The following GPM6B variants were observed in gnomAD, a reference collection of about 807,000 sequenced individuals.
The protein encoded by GPM6B is glycoprotein M6B.
A neutral mutation model predicts 27.2 loss-of-function variants in GPM6B; 4 were observed. That is an observed-to-expected ratio of 0.15 (90% CI 0.07 to 0.34). The LOEUF (loss-of-function observed/expected upper bound fraction) is 0.34. Among genes scored for constraint, GPM6B ranks in the 10% least tolerant of loss-of-function variants. GPM6B has a pLI of 1.00. For missense variants in GPM6B, 183 were observed against 261.9 expected (o/e 0.70, Z 2.08); for synonymous variants, 124 against 103.1 (o/e 1.20, Z -1.23).
At chrX:13,845,812 C>G (rs1277694673) in intron 1 of GPM6B, among the ~76,000 whole-genome samples, 1 of 112,170 alleles carries the variant, frequency 8.9e-6, no homozygotes, top group African/African-American at 3.2e-5. Context: ...TTCAATAGTA[C>G]ACGCTGAACT....
chrX:13,877,328 T>G (rs2050043719), intron 1 of GPM6B, among the ~76,000 whole-genome samples: 1 of 111,847 alleles, frequency 8.9e-6, no homozygotes, highest in South Asian at 3.8e-4. Context: ...TTGACAAGGA[T>G]AGTGAAGTAG....
chrX:13,815,088 TAGC>T (rs2049209227), intron 1 of GPM6B, among the ~76,000 whole-genome samples: 1 of 111,990 alleles, frequency 8.9e-6, no homozygotes, highest in Admixed American at 9.5e-5. Flanking sequence ...CATAAAATAA[TAGC>T]AGTCCATAAG....
At chrX:13,880,638 T>C (rs1056233575) in intron 1 of GPM6B, among the ~76,000 whole-genome samples, 53 of 85,961 alleles carry the variant, frequency 6.2e-4, no homozygotes, top group African/African-American at 2.6e-3. Context: ...ATTGTGCCAC[T>C]GCACTCCAGC....
In GPM6B at chrX:13,903,808, G is replaced by A. The variant is rs191140729; in HGVS notation, c.-198+34519C>T. Among the ~76,000 whole-genome samples, 190 of 112,037 alleles carry A rather than the reference G, an allele frequency of 1.7e-3. 1 individual carries two copies. The highest frequency in any genetic ancestry group is 6.0e-3 in the African/African-American group (185 of 30,901). The stretch of plus-strand genomic sequence containing the variant: ...AATGCCTGTGTCTGGCAGCCAGGGT[G>A]GTGGAGCCAGAGGAACAAAGGACTA... On this transcript the variant is annotated intron_variant, in intron 1 of 6. Transcript: ENST00000398361.
intron 2 of GPM6B, among the ~76,000 whole-genome samples, chrX:13,789,847 G>A (rs527749951): frequency 9.3e-6 from 1 of 108,063 alleles, no homozygotes; most frequent in South Asian, 4.0e-4. Context: ...TTTTTTTTTT[G>A]TTTTGTTTTG....
intron 1 of GPM6B, among the ~76,000 whole-genome samples, chrX:13,890,946 G>A (rs924955645): frequency 1.3e-4 from 14 of 110,627 alleles, no homozygotes; most frequent in African/African-American, 3.6e-4. Context: ...CATCTGAGGC[G>A]TTTAAAAAAC....
intron 1 of GPM6B, among the ~76,000 whole-genome samples, chrX:13,895,630 T>A (rs1191001006): frequency 8.9e-6 from 1 of 111,749 alleles, no homozygotes; most frequent in East Asian, 2.8e-4. Flanking sequence ...TCAATTTGTA[T>A]CTCTATCATA....
At chrX:13,917,163 A>C (rs1165001442) in intron 1 of GPM6B, among the ~76,000 whole-genome samples, 1 of 111,930 alleles carries the variant, frequency 8.9e-6, no homozygotes, top group Non-Finnish European at 1.9e-5. Flanking sequence ...AATGAGCCAT[A>C]ATCACTGCTA....
chrX:13,780,147 C>T (rs924779323), intron 4 of GPM6B, among the ~76,000 whole-genome samples, 158 bp from the exon 5 acceptor site: 4 of 111,786 alleles, frequency 3.6e-5, no homozygotes, highest in African/African-American at 9.8e-5. Context: ...AAAGCCAGCA[C>T]GGGAGCAGGG....
At chrX:13,797,183 G>A (rs183203601) in intron 2 of GPM6B, among the ~76,000 whole-genome samples, 158 of 112,359 alleles carry the variant, frequency 1.4e-3, no homozygotes, top group African/African-American at 4.8e-3. Context: ...TACCTGCCAT[G>A]TGCAAGCCAC....
At chrX:13,880,387 C>G (rs2050082374) in intron 1 of GPM6B, among the ~76,000 whole-genome samples, 1 of 111,284 alleles carries the variant, frequency 9.0e-6, no homozygotes, top group Non-Finnish European at 1.9e-5. Context: ...TTTAAAAAGG[C>G]AAATCAGGCC....
At chrX:13,852,167 C>T (rs919348761) in intron 1 of GPM6B, among the ~76,000 whole-genome samples, 20 of 111,115 alleles carry the variant, frequency 1.8e-4, no homozygotes, top group Non-Finnish European at 3.8e-4. Context: ...AATGACTCAA[C>T]TCTGCCACCG....
intron 2 of GPM6B, among the ~76,000 whole-genome samples, chrX:13,793,831 G>A (rs2048759151): frequency 9.0e-6 from 1 of 111,280 alleles, no homozygotes; most frequent in African/African-American, 3.3e-5. Flanking sequence ...AGCACTCAGT[G>A]TTATATAGCA....
intron 7 of GPM6B, among the ~76,000 whole-genome samples, chrX:13,775,081 A>G (rs2048385554): frequency 8.9e-6 from 1 of 112,333 alleles, no homozygotes; most frequent in South Asian, 3.7e-4. Flanking sequence ...GGGAATGAAT[A>G]ATTTACAAGC....
At chrX:13,834,073 C>T (rs181997248) in intron 1 of GPM6B, among the ~76,000 whole-genome samples, 70 of 112,565 alleles carry the variant, frequency 6.2e-4, no homozygotes, top group Non-Finnish European at 4.9e-4. Context: ...TCTGATTATC[C>T]GGTCTTATTT....
chrX:13,920,275 AAAAAAAAAAAAAAG>A (rs1276197359), intron 1 of GPM6B, among the ~76,000 whole-genome samples: 5 of 81,221 alleles, frequency 6.2e-5, no homozygotes, highest in East Asian at 3.1e-4. Flanking sequence ...TCAAAAAAAA[AAAAAAAAAAAAAAG>A]AAAGAAAGAA....
chrX:13,890,114 C>T (rs779208997), intron 1 of GPM6B, among the ~76,000 whole-genome samples: 64 of 111,054 alleles, frequency 5.8e-4, no homozygotes, highest in South Asian at 2.3e-3. Context: ...GATACGAGGT[C>T]GGCACAAGAT....
intron 1 of GPM6B, among the ~76,000 whole-genome samples, chrX:13,831,892 A>G (rs1319040382): frequency 9.0e-6 from 1 of 111,405 alleles, no homozygotes; most frequent in Non-Finnish European, 1.9e-5. Context: ...TGTATTTTAG[A>G]AACAAAATGG....
At chrX:13,844,992 CTT>C (rs11332362) in intron 1 of GPM6B, among the ~76,000 whole-genome samples, 19 of 92,787 alleles carry the variant, frequency 2.0e-4, no homozygotes, top group East Asian at 3.6e-4. Context: ...TTTTCTTTTT[CTT>C]TTTTTTTTTT....
Sources: allele counts gnomAD v4.1 joint callset (sites outside exome capture counted in the v4.1 genomes callset), GRCh38; gene constraint gnomAD v4.1.1; transcripts MANE v1.5; gene names NCBI Gene and HGNC (gene_info 2026-07-23, HGNC 2026-07-21).